The following DIAPH2 variants were observed in gnomAD, a reference collection of about 807,000 sequenced individuals.
The protein encoded by DIAPH2 is diaphanous related formin 2.
In DIAPH2, 35 loss-of-function variants were observed where a neutral mutation model predicts 92.7. The ratio of observed to expected loss-of-function variants is 0.38; its 90% CI spans 0.29 to 0.50. The LOEUF (loss-of-function observed/expected upper bound fraction) is 0.50, where lower values mean the gene tolerates loss of function less well. DIAPH2 is among the 20% of genes least tolerant of loss of function. The probability of loss-of-function intolerance (pLI) is 0.94; values close to 1 mark genes in which losing one functional copy is unlikely to be tolerated. For missense variants in DIAPH2, 701 were observed against 819.5 expected (o/e 0.86, Z 1.77); for synonymous variants, 301 against 280.4 (o/e 1.07, Z -0.73).
intron 17 of DIAPH2, among the ~76,000 whole-genome samples, chrX:97,017,418 A>G (rs1174630822): frequency 8.9e-6 from 1 of 111,934 alleles, no homozygotes; most frequent in Non-Finnish European, 1.9e-5. Context: ...GCACTGGGCA[A>G]CAACATGAAT....
intron 20 of DIAPH2, among the ~76,000 whole-genome samples, chrX:97,102,277 C>T (rs1265605444): frequency 9.0e-6 from 1 of 111,374 alleles, no homozygotes; most frequent in Non-Finnish European, 1.9e-5. Context: ...CCATAGTGGC[C>T]ATACCATACC....
At chrX:97,198,676 C>T (rs2067723435) in intron 22 of DIAPH2, among the ~76,000 whole-genome samples, 1 of 110,953 alleles carries the variant, frequency 9.0e-6, no homozygotes, top group Admixed American at 9.7e-5. Context: ...TGATCCATGC[C>T]AGCTACTGCA....
chrX:97,137,199 G>A (rs2067176052), intron 21 of DIAPH2, among the ~76,000 whole-genome samples: 1 of 102,646 alleles, frequency 9.7e-6, no homozygotes, highest in African/African-American at 3.6e-5. Flanking sequence ...GCAAATGTGT[G>A]TTCTGGAAAA....
At chrX:97,475,396 G>A (rs2070595760) in intron 26 of DIAPH2, among the ~76,000 whole-genome samples, 1 of 111,986 alleles carries the variant, frequency 8.9e-6, no homozygotes, top group Admixed American at 9.5e-5. Context: ...TTTGATTATT[G>A]TAAATTATTC....
intron 20 of DIAPH2, among the ~76,000 whole-genome samples, chrX:97,108,898 G>A (rs960312767): frequency 1.8e-5 from 2 of 111,175 alleles, no homozygotes; most frequent in Admixed American, 1.9e-4. Context: ...AAAAGATAAG[G>A]ACCCCGGTTT....
In DIAPH2 at chrX:97,119,759, G is replaced by A. The variant is rs745924476; in HGVS notation, c.2589+4794G>A. 8.1e-5 allele frequency among the ~76,000 whole-genome samples: 9 copies of A among 111,404 alleles called. No homozygotes were observed. The South Asian group carries it at 3.5e-3, about 43-fold the overall frequency. On this transcript the variant is annotated intron_variant, in intron 21 of 26. Coordinates refer to ENST00000324765, the MANE Select transcript of DIAPH2 (RefSeq NM_006729.5). ...TGAGCGTGAGATTCCCAGCTCAATG[G>A]AGTTGTGTACCTACCGTGGATTATG...
At chrX:96,700,439 A>C (rs1260261158) in intron 1 of DIAPH2, among the ~76,000 whole-genome samples, 1 of 112,171 alleles carries the variant, frequency 8.9e-6, no homozygotes, top group Non-Finnish European at 1.9e-5. Flanking sequence ...ATACAATTGC[A>C]GGCAATCATA....
intron 5 of DIAPH2, chrX:96,884,454 G>C: frequency 8.3e-7 from 1 of 1,211,333 alleles, no homozygotes; most frequent in Non-Finnish European, 1.1e-6. Context: ...ACGTTGTACC[G>C]TGTAATGTGA....
chrX:97,506,951 A>C (rs1177893246), intron 26 of DIAPH2, among the ~76,000 whole-genome samples: 6 of 111,337 alleles, frequency 5.4e-5, no homozygotes, highest in African/African-American at 2.0e-4. Flanking sequence ...TCAGTGGGCC[A>C]AATCCAGCCC....
intron 19 of DIAPH2, among the ~76,000 whole-genome samples, chrX:97,098,545 A>ATGAC (rs1201771888): frequency 8.9e-6 from 1 of 112,621 alleles, no homozygotes; most frequent in Non-Finnish European, 1.9e-5. Context: ...TCATTCCTTT[A>ATGAC]TGACTAGTAG....
chrX:97,318,798 A>T (rs1349643825), intron 23 of DIAPH2, among the ~76,000 whole-genome samples: 1 of 111,074 alleles, frequency 9.0e-6, no homozygotes, highest in Non-Finnish European at 1.9e-5. Flanking sequence ...TACAGTTTTC[A>T]AGATGTCATG....
chrX:97,274,062 G>A (rs769928096), intron 23 of DIAPH2, among the ~76,000 whole-genome samples: 1 of 107,715 alleles, frequency 9.3e-6, no homozygotes, highest in Admixed American at 1.0e-4. Flanking sequence ...TGTATAGAGA[G>A]AGAGACAGAC....
chrX:97,050,537 A>G (rs188013481), intron 17 of DIAPH2, among the ~76,000 whole-genome samples: 14 of 107,802 alleles, frequency 1.3e-4, no homozygotes, highest in African/African-American at 3.7e-4. Context: ...TCTGGAAAGA[A>G]ACTACTCTTA....
intron 26 of DIAPH2, among the ~76,000 whole-genome samples, chrX:97,544,622 T>TCCTATA (rs1181625255): frequency 2.7e-5 from 3 of 111,893 alleles, no homozygotes; most frequent in African/African-American, 9.7e-5. Context: ...AGGTCATTTT[T>TCCTATA]ACTTACTAAA....
intron 21 of DIAPH2, among the ~76,000 whole-genome samples, chrX:97,117,909 G>T (rs1236207526): frequency 9.0e-6 from 1 of 110,782 alleles, no homozygotes; most frequent in African/African-American, 3.3e-5. Flanking sequence ...TAGCCTGTTG[G>T]TTATTAAAAT....
chrX:97,384,796 G>A (rs1168436242), intron 25 of DIAPH2, among the ~76,000 whole-genome samples: 4 of 110,173 alleles, frequency 3.6e-5, no homozygotes, highest in South Asian at 7.8e-4. Context: ...AAACTGGGGG[G>A]CGGAGGCTAC....
At chrX:96,710,409 A>T (rs1247814306) in intron 1 of DIAPH2, among the ~76,000 whole-genome samples, 1 of 111,885 alleles carries the variant, frequency 8.9e-6, no homozygotes, top group Non-Finnish European at 1.9e-5. Context: ...TATGTATAGT[A>T]GTCAAATGGT....
At chrX:97,010,927 G>A (rs1236617341) in intron 17 of DIAPH2, among the ~76,000 whole-genome samples, 2 of 111,249 alleles carry the variant, frequency 1.8e-5, no homozygotes, top group Non-Finnish European at 3.8e-5. Context: ...ACACAAATGT[G>A]TGCTTAGCAG....
At chrX:96,757,130 G>A (rs1322268281) in intron 3 of DIAPH2, among the ~76,000 whole-genome samples, 1 of 109,476 alleles carries the variant, frequency 9.1e-6, no homozygotes, top group African/African-American at 3.3e-5. Context: ...TGTTAGCCAG[G>A]ATGGTCTCGA....
Sources: allele counts gnomAD v4.1 joint callset (sites outside exome capture counted in the v4.1 genomes callset), GRCh38; gene constraint gnomAD v4.1.1; transcripts MANE v1.5; gene names NCBI Gene and HGNC (gene_info 2026-07-23, HGNC 2026-07-21).